The following PGLYRP2 variants were observed in gnomAD, a reference collection of about 807,000 sequenced individuals.
The protein encoded by PGLYRP2 is peptidoglycan recognition protein 2.
Under a neutral mutation model 46.2 loss-of-function variants are expected in PGLYRP2, and 38 were observed. That is an observed-to-expected ratio of 0.82 (90% confidence interval 0.64 to 1.08). The LOEUF (loss-of-function observed/expected upper bound fraction) is 1.08. PGLYRP2 is among the 50% of genes least tolerant of loss of function. PGLYRP2 has a pLI of 0.00. For missense variants in PGLYRP2, 713 were observed against 755.9 expected, an observed-to-expected ratio of 0.94 and a Z score of 0.67; for synonymous variants, 289 against 329.4, an observed-to-expected ratio of 0.88 and a Z score of 1.33.
Position 15,472,114 on chromosome 19 carries a change from G to A in PGLYRP2, c.1133-14C>T, listed in dbSNP as rs1970756212. The A allele has an allele frequency of 1.3e-6, 2 of 1,594,900 alleles. No individual in the cohort carries two copies. The highest frequency in any genetic ancestry group is 1.7e-6 in the Non-Finnish European group (2 of 1,177,190). The stretch of plus-strand genomic sequence containing the variant: ...TGGCCGGGCATCCTACAGGCAAGGG[G>A]GTTGAAGGCTGGGGTCAGGAACTGT... On this transcript the variant is annotated splice_polypyrimidine_tract_variant and intron_variant, in intron 2 of 4. Transcript: ENST00000340880.
rs1254173059 is a variant in PGLYRP2 at position 15,475,752 on chromosome 19, A to G, written c.918T>C (p.Ala306=). ...LSHLLSQYYG[A]GVARDPGFRS... is the part of the protein sequence containing the mutation. ...GGAACCCTGGGTCTCTGGCCACCCC[A>G]GCCCCATAGTACTGGCTCAGCAAGT... is the stretch of plus-strand genomic sequence containing the variant. The change falls in exon 2 of 5, where the codon GCT becomes GCC. Residue 306 remains alanine, a synonymous_variant. Coordinates refer to ENST00000340880, the MANE Select transcript of PGLYRP2 (RefSeq NM_052890.4). The G allele has an allele frequency of 6.2e-7, 1 of 1,613,934 alleles. No homozygotes were observed. Among genetic ancestry groups the G allele is most frequent in the Middle Eastern group, 1.6e-4 (1 of 6,084 alleles).
chr19:15,475,510 G>T lies in PGLYRP2; in HGVS notation c.1132+28C>A, dbSNP rs529469035. 4 of 1,549,454 alleles carry T rather than the reference G, an allele frequency of 2.6e-6. No homozygotes were observed. The South Asian group carries it at 4.9e-5, about 19-fold the overall frequency. On this transcript the variant is annotated intron_variant, in intron 2 of 4. Coordinates refer to ENST00000340880, the MANE Select transcript of PGLYRP2 (RefSeq NM_052890.4). ...GGGCGTCTGTGTCTGTAATGGGAAG[G>T]ATCACAGGGTGTGGGGAACTTCCTC...
chr19:15,473,087 A>G (rs1466310063), intron 2 of PGLYRP2, among the ~76,000 whole-genome samples: 9 of 152,300 alleles, frequency 5.9e-5, no homozygotes, highest in East Asian at 1.9e-4. Context: ...AGGACTGCCT[A>G]TTCAGTAAAT....
At chr19:15,472,865 C>T (rs566011199) in intron 2 of PGLYRP2, among the ~76,000 whole-genome samples, 2 of 152,212 alleles carry the variant, frequency 1.3e-5, no homozygotes, top group South Asian at 4.1e-4. Flanking sequence ...AAAATGAGCC[C>T]AAATAGCAAA....
At chr19:15,477,640 G>A (rs1228318988) in intron 1 of PGLYRP2, among the ~76,000 whole-genome samples, 1 of 151,688 alleles carries the variant, frequency 6.6e-6, no homozygotes, top group Non-Finnish European at 1.5e-5. Context: ...GGAGGTTGCA[G>A]TGAGCCAAGA....
At position 15,469,720 on chromosome 19, in the gene PGLYRP2, G is replaced by A; in HGVS notation, c.1553C>T (p.Ala518Val). 2.0e-6 allele frequency: 3 copies of A among 1,497,144 alleles called. No homozygotes were observed. Among genetic ancestry groups the A allele is most frequent in the Non-Finnish European group, 2.7e-6 (3 of 1,129,426 alleles). The allele number at this position is 1,497,144 out of a possible 1,614,324, so 92.7% of individuals were successfully genotyped here. ...VRAGLLRPDYALLGHRQLVRT... is the reference protein window; with the variant it reads ...VRAGLLRPDYVLLGHRQLVRT... ...CACCAGCTGGCGGTGGCCCAGCAGC[G>A]CGTAGTCTGGCCGCAGGAGGCCGGC... The change falls in exon 4 of 5, where the codon GCG becomes GTG. Residue 518 changes from alanine (A) to valine (V), a missense_variant. Ala to Val is a moderately conservative substitution (Grantham distance 64). Transcript: ENST00000340880. This position sits in a 1 kb window ranked among gnomAD's most constrained non-coding sequence, Gnocchi z 4.9.
chr19:15,478,094 C>T (rs1487822786), intron 1 of PGLYRP2, among the ~76,000 whole-genome samples: 2 of 152,174 alleles, frequency 1.3e-5, no homozygotes, highest in African/African-American at 2.4e-5. Context: ...TGCCTGTAAT[C>T]CCAGCACTTT....
rs1970719805 is a variant in PGLYRP2, at chr19:15,469,228, C to T, written c.1641+404G>A. 2 of 594,368 alleles carry T rather than the reference C, an allele frequency of 3.4e-6. No individual in the cohort carries two copies. Among genetic ancestry groups the T allele is most frequent in the Admixed American group, 3.0e-5 (1 of 33,172 alleles). The allele number at this position is 594,368 out of a possible 1,614,324, so 36.8% of individuals were successfully genotyped here. A position where few individuals can be genotyped will look rare whatever the true frequency, so the allele number is the denominator to read the frequency against. On this transcript the variant is annotated intron_variant, in intron 4 of 4. Transcript: ENST00000340880. The surrounding 1 kb of genome is among the most constrained non-coding windows in gnomAD (Gnocchi z 4.9). ...TAGGGGCAGGGGTGAGGTCAAGGTT[C>T]GGCGGGCCAGGATGAGGTGGTGCAG...
intron 3 of PGLYRP2, among the ~76,000 whole-genome samples, chr19:15,471,674 G>C (rs12610560): frequency 0.38 from 57,311 of 151,886 alleles, 10,927 homozygotes; most frequent in African/African-American, 0.4. Flanking sequence ...TACCCTGACT[G>C]GAGTCCCATG....
intron 1 of PGLYRP2, among the ~76,000 whole-genome samples, chr19:15,478,215 C>T (rs1016857572): frequency 3.9e-5 from 6 of 152,038 alleles, no homozygotes; most frequent in South Asian, 2.1e-4. Context: ...GGTGCGGTGG[C>T]GGGCACCTGT....
chr19:15,472,011 A>T lies in PGLYRP2; in HGVS notation c.1222T>A (p.Tyr408Asn), dbSNP rs1395092070. 6.2e-7 allele frequency: 1 copy of T among 1,613,542 alleles called. No individual in the cohort carries two copies. The highest frequency in any genetic ancestry group is 8.5e-7 in the Non-Finnish European group (1 of 1,179,984). ...GCAGGCACGTAGGTGTGATGCACGT[A>T]CAAGAATCCCAGCGGCAGCTGCAGC... ...KLLQLPLGFL[Y>N]VHHTYVPAPP... Residue 408 changes from tyrosine to asparagine, a missense_variant, in exon 3 of 5, where the codon TAC (tyrosine) becomes AAC (asparagine). Coordinates refer to ENST00000340880, the MANE Select transcript of PGLYRP2 (RefSeq NM_052890.4).
intron 3 of PGLYRP2, among the ~76,000 whole-genome samples, chr19:15,470,294 T>TTCCG (rs1970735429): frequency 2.3e-5 from 2 of 85,134 alleles, no homozygotes; most frequent in Admixed American, 1.1e-4. Context: ...CCTTCCTTCC[T>TTCCG]TCTTTCTTTC....
chr19:15,469,742 C>T lies in PGLYRP2; in HGVS notation c.1531G>A (p.Gly511Ser). The stretch of plus-strand genomic sequence containing the variant: ...AGCGCGTAGTCTGGCCGCAGGAGGC[C>T]GGCGCGCACCGCACAACTCGGGAGC... Reference protein sequence around the residue: ...DTLPSCAVRAGLLRPDYALLG... With the variant: ...DTLPSCAVRASLLRPDYALLG... Residue 511 changes from glycine to serine, a missense_variant, in exon 4 of 5, where the codon GGC (glycine) becomes AGC (serine). Transcript: ENST00000340880. This position sits in a 1 kb window ranked among gnomAD's most constrained non-coding sequence, Gnocchi z 4.9. 18 of 1,486,372 alleles carry T rather than the reference C, an allele frequency of 1.2e-5. No individual in the cohort carries two copies. Among genetic ancestry groups the T allele is most frequent in the Non-Finnish European group, 1.6e-5 (18 of 1,125,398 alleles). 92.1% of individuals were successfully genotyped at this position (1,486,372 alleles called of 1,614,324 possible).
chr19:15,475,916 G>A lies in PGLYRP2; in HGVS notation c.754C>T (p.Leu252Phe), dbSNP rs140330499. The change falls in exon 2 of 5, where the codon CTC (leucine) becomes TTC (phenylalanine). Residue 252 changes from leucine (L) to phenylalanine (F), a missense_variant. Transcript: ENST00000340880. ...AGCGTAAAGGTCCGAGGGGCAGAGA[G>A]CTGGTCCCAGCAGCCCTCAGTTCCC... ...DLGTEGCWDQ[L>F]SAPRTFTLLD... The A allele has an allele frequency of 6.2e-7, 1 of 1,614,152 alleles. No individual in the cohort carries two copies. The highest frequency in any genetic ancestry group is 8.5e-7 in the Non-Finnish European group (1 of 1,180,028).
At position 15,469,706 on chromosome 19, in the gene PGLYRP2, G is replaced by A. The variant is rs1970725719; in HGVS notation, c.1567C>T (p.Arg523Cys). 1.3e-6 allele frequency: 2 copies of A among 1,515,386 alleles called. No homozygotes were observed. Among genetic ancestry groups the A allele is most frequent in the Non-Finnish European group, 1.8e-6 (2 of 1,137,370 alleles). The allele number at this position is 1,515,386 out of a possible 1,614,324, so 93.9% of individuals were successfully genotyped here. ...LRPDYALLGHRQLVRTDCPGD... is the reference protein window; with the variant it reads ...LRPDYALLGHCQLVRTDCPGD... ...GGGCAGTCGGTGCGCACCAGCTGGC[G>A]GTGGCCCAGCAGCGCGTAGTCTGGC... is the stretch of plus-strand genomic sequence containing the variant. The change falls in exon 4 of 5, where the codon CGC becomes TGC. Residue 523 changes from arginine (R) to cysteine (C), a missense_variant. Transcript: ENST00000340880. The surrounding 1 kb of genome is among the most constrained non-coding windows in gnomAD (Gnocchi z 4.9).
Position 15,469,721 on chromosome 19 carries a change from C to T in PGLYRP2, c.1552G>A (p.Ala518Thr). 1 of 1,496,664 alleles carries T rather than the reference C, an allele frequency of 6.7e-7. No individual in the cohort carries two copies. The highest frequency in any genetic ancestry group is 8.9e-7 in the Non-Finnish European group (1 of 1,129,342). 92.7% of individuals were successfully genotyped at this position (1,496,664 alleles called of 1,614,324 possible). ...ACCAGCTGGCGGTGGCCCAGCAGCG[C>T]GTAGTCTGGCCGCAGGAGGCCGGCG... ...VRAGLLRPDY[A>T]LLGHRQLVRT... The change falls in exon 4 of 5, where the codon GCG (alanine) becomes ACG (threonine). Residue 518 changes from alanine to threonine, a missense_variant. Ala to Thr is a moderately conservative substitution (Grantham distance 58). Transcript: ENST00000340880. The surrounding 1 kb of genome is among the most constrained non-coding windows in gnomAD (Gnocchi z 4.9).
At chr19:15,471,279 A>AT (rs905858843) in intron 3 of PGLYRP2, among the ~76,000 whole-genome samples, 6 of 151,192 alleles carry the variant, frequency 4.0e-5, no homozygotes, top group Non-Finnish European at 7.4e-5. Flanking sequence ...CGCCTGGCTA[A>AT]TTTTTTTGTA....
intron 2 of PGLYRP2, among the ~76,000 whole-genome samples, chr19:15,474,872 A>T (rs754053279): frequency 5.3e-5 from 8 of 152,032 alleles, no homozygotes; most frequent in Non-Finnish European, 1.2e-4. Context: ...CTGTAGTCCC[A>T]GCTACTCAGG....
At chr19:15,474,371 T>A (rs572960842) in intron 2 of PGLYRP2, among the ~76,000 whole-genome samples, 24 of 151,636 alleles carry the variant, frequency 1.6e-4, no homozygotes, top group Admixed American at 7.2e-4. Context: ...ACAAAAAAAA[T>A]AATAATAAAT....
Sources: allele counts gnomAD v4.1 joint callset (sites outside exome capture counted in the v4.1 genomes callset), GRCh38; gene constraint gnomAD v4.1.1; non-coding constraint Gnocchi (gnomAD v3.1); transcripts MANE v1.5; gene names NCBI Gene and HGNC (gene_info 2026-07-23, HGNC 2026-07-21).